The following FOXP1 variants were observed in gnomAD, a reference collection of about 807,000 sequenced individuals.
The protein encoded by FOXP1 is forkhead box protein P1.
A neutral mutation model predicts 98.2 loss-of-function variants in FOXP1; 15 were observed. That is an observed-to-expected ratio of 0.15 (90% CI 0.10 to 0.24). The LOEUF (loss-of-function observed/expected upper bound fraction) is 0.24, where lower values mean the gene tolerates loss of function less well. Ranked by LOEUF, FOXP1 falls within the 10% of genes least tolerant of loss-of-function variation. The probability of loss-of-function intolerance (pLI) is 1.00; values close to 1 mark genes in which losing one functional copy is unlikely to be tolerated. For missense variants in FOXP1, 633 were observed against 848.5 expected (o/e 0.75, Z 3.15); for synonymous variants, 371 against 314.5 (o/e 1.18, Z -1.90).
chr3:71,458,783 CAGGTAT>C (rs567983261), intron 3 of FOXP1, among the ~76,000 whole-genome samples: 1 of 152,194 alleles, frequency 6.6e-6, no homozygotes, highest in Non-Finnish European at 1.5e-5. Flanking sequence ...CCAAATTACA[CAGGTAT>C]AATTATTTTG....
intron 6 of FOXP1, among the ~76,000 whole-genome samples, chr3:71,142,739 A>G (rs1033821268): frequency 6.6e-6 from 1 of 152,166 alleles, no homozygotes; most frequent in African/African-American, 2.4e-5. Context: ...TTGCCTCCCT[A>G]TTCTCTGAGG....
intron 2 of FOXP1, among the ~76,000 whole-genome samples, chr3:71,515,433 CAAAAA>C (rs35322006): frequency 2.2e-4 from 21 of 96,948 alleles, no homozygotes; most frequent in African/African-American, 4.6e-4. Context: ...ATTTACACAG[CAAAAA>C]AAAAAAAAAA....
intron 6 of FOXP1, among the ~76,000 whole-genome samples, chr3:71,186,952 C>T (rs567720065): frequency 2.6e-4 from 40 of 152,356 alleles, no homozygotes; most frequent in Admixed American, 7.2e-4. Flanking sequence ...TGCAACAACT[C>T]ACCTCTGCTG....
chr3:71,030,088 TTAAG>T (rs1303352056), intron 11 of FOXP1, among the ~76,000 whole-genome samples: 1 of 152,204 alleles, frequency 6.6e-6, no homozygotes, highest in Non-Finnish European at 1.5e-5. Flanking sequence ...CTCAAGTAAC[TTAAG>T]TAGAGCAGCC....
At chr3:70,959,582 C>T (rs571463386) in intron 20 of FOXP1, among the ~76,000 whole-genome samples, 191 bp from the exon 21 acceptor site, 360 of 152,308 alleles carry the variant, frequency 2.4e-3, no homozygotes, top group Non-Finnish European at 4.0e-3. Flanking sequence ...TATTCAGTTT[C>T]TGAGTTGTGC....
chr3:71,315,410 A>C (rs915488769), intron 4 of FOXP1, among the ~76,000 whole-genome samples: 4 of 152,218 alleles, frequency 2.6e-5, no homozygotes, highest in Non-Finnish European at 5.9e-5. Context: ...ATAAAAAAAA[A>C]GACAAGGATG....
chr3:70,978,070 A>G (rs1368975374), intron 14 of FOXP1, 41 bp from the exon 15 acceptor site: 2 of 1,555,692 alleles, frequency 1.3e-6, no homozygotes, highest in Admixed American at 3.3e-5. Flanking sequence ...CCTTCAGAAA[A>G]CCAGAGCAAC....
chr3:71,099,670 T>G (rs2056788759), intron 7 of FOXP1, among the ~76,000 whole-genome samples: 1 of 152,156 alleles, frequency 6.6e-6, no homozygotes, highest in South Asian at 2.1e-4. Context: ...TACAGAGAAG[T>G]TAAGCTACTT....
chr3:71,142,705 A>C (rs2060126873), intron 6 of FOXP1, among the ~76,000 whole-genome samples: 1 of 152,208 alleles, frequency 6.6e-6, no homozygotes, highest in African/African-American at 2.4e-5. Flanking sequence ...GAGCCTCTTG[A>C]CGAGGAATCA....
intron 5 of FOXP1, among the ~76,000 whole-genome samples, chr3:71,264,481 G>A (rs754508975): frequency 6.6e-6 from 1 of 152,210 alleles, no homozygotes; most frequent in African/African-American, 2.4e-5. Flanking sequence ...CAGGAATGGA[G>A]AGCCATGAAT....
chr3:71,144,805 C>A (rs79118825), intron 6 of FOXP1, among the ~76,000 whole-genome samples: 3,697 of 152,224 alleles, frequency 0.024, 167 homozygotes, highest in African/African-American at 0.085. Flanking sequence ...CACCACCCCC[C>A]AAACTCCCTT....
At chr3:71,540,654 A>G (rs1175187380) in intron 2 of FOXP1, among the ~76,000 whole-genome samples, 1 of 152,210 alleles carries the variant, frequency 6.6e-6, no homozygotes, top group East Asian at 1.9e-4. Context: ...GAGCAGGGAC[A>G]ACAGAGACCT....
At chr3:71,389,236 G>A (rs1471843994) in intron 3 of FOXP1, among the ~76,000 whole-genome samples, 1 of 64,266 alleles carries the variant, frequency 1.6e-5, no homozygotes, top group Non-Finnish European at 3.4e-5. Flanking sequence ...ATCTGTAAGC[G>A]GCGGGGGGGG....
chr3:71,181,889 G>C (rs898109084), intron 6 of FOXP1, among the ~76,000 whole-genome samples: 6 of 151,878 alleles, frequency 4.0e-5, no homozygotes, highest in Admixed American at 2.6e-4. Context: ...AAAAAAATTA[G>C]CCAGGCATGG....
intron 4 of FOXP1, among the ~76,000 whole-genome samples, chr3:71,306,585 A>G (rs185571321): frequency 2.2e-4 from 33 of 147,942 alleles, no homozygotes; most frequent in African/African-American, 8.2e-4. Context: ...GTGCATATAT[A>G]CTCACACATA....
In FOXP1 at chr3:71,047,105, A is replaced by G. The variant is rs1263098732; in HGVS notation, c.511-10T>C. 6.2e-7 allele frequency: 1 copy of G among 1,613,948 alleles called. No homozygotes were observed. The highest frequency in any genetic ancestry group is 2.2e-5 in the East Asian group (1 of 44,880). ...TAGCCACCTGCTGTTGCTGTAAGAAATCAGGAAGAAAAAATGAGATGGCCA... is the reference window on the plus strand; with the variant it reads ...TAGCCACCTGCTGTTGCTGTAAGAAGTCAGGAAGAAAAAATGAGATGGCCA... On this transcript the variant is annotated splice_polypyrimidine_tract_variant and intron_variant, in intron 9 of 20. Transcript: ENST00000649528.
At chr3:71,454,509 G>C (rs2087263319) in intron 3 of FOXP1, among the ~76,000 whole-genome samples, 1 of 152,054 alleles carries the variant, frequency 6.6e-6, no homozygotes, top group Non-Finnish European at 1.5e-5. Flanking sequence ...ATAAATGACT[G>C]AACCTTGAGG....
chr3:71,323,245 A>T (rs2075499663), intron 4 of FOXP1, among the ~76,000 whole-genome samples: 1 of 152,130 alleles, frequency 6.6e-6, no homozygotes, highest in Admixed American at 6.6e-5. Context: ...TTAAACTCCC[A>T]AAATGACCAA....
intron 11 of FOXP1, among the ~76,000 whole-genome samples, chr3:71,034,173 G>T (rs1055237538): frequency 6.6e-6 from 1 of 152,164 alleles, no homozygotes; most frequent in Non-Finnish European, 1.5e-5. Context: ...TGGCAACGGG[G>T]ATTTTCCTGG....
Sources: allele counts gnomAD v4.1 joint callset (sites outside exome capture counted in the v4.1 genomes callset), GRCh38; gene constraint gnomAD v4.1.1; transcripts MANE v1.5; gene names NCBI Gene and HGNC (gene_info 2026-07-23, HGNC 2026-07-21).